SESN1: variants seen among roughly 807,000 people sequenced by gnomAD.
SESN1 encodes the protein sestrin 1.
SESN1 carries 30 observed loss-of-function variants against 59.3 expected under a neutral mutation model. That is an observed-to-expected ratio of 0.51 (90% CI 0.38 to 0.69). The LOEUF (loss-of-function observed/expected upper bound fraction) is 0.69, where lower values mean the gene tolerates loss of function less well. Ranked by LOEUF, SESN1 falls within the 30% of genes least tolerant of loss-of-function variation. The pLI is 0.00. For synonymous variants in SESN1, 197 were observed against 219.9 expected (o/e 0.90, Z 0.92); for missense variants, 566 against 673.0 (o/e 0.84, Z 1.76).
intron 1 of SESN1, among the ~76,000 whole-genome samples, chr6:109,023,677 T>G (rs745523400): frequency 5.3e-5 from 8 of 152,198 alleles, no homozygotes; most frequent in Admixed American, 6.5e-5. Flanking sequence ...TAAACTGCAT[T>G]TTCATTATGT....
At chr6:109,055,422 A>G (rs1780612903) in intron 1 of SESN1, among the ~76,000 whole-genome samples, 1 of 151,906 alleles carries the variant, frequency 6.6e-6, no homozygotes, top group African/African-American at 2.4e-5. Flanking sequence ...CAGCCCTTTG[A>G]GGGGCTGAGG....
intron 1 of SESN1, among the ~76,000 whole-genome samples, chr6:109,059,028 A>C (rs571831443): frequency 6.6e-5 from 10 of 152,270 alleles, no homozygotes; most frequent in African/African-American, 2.4e-4. Context: ...AGTATACTAT[A>C]TTTGAGGAAA....
chr6:109,046,178 C>T (rs1013927459), intron 1 of SESN1, among the ~76,000 whole-genome samples: 10 of 151,456 alleles, frequency 6.6e-5, no homozygotes, highest in African/African-American at 2.4e-4. Context: ...CATCTCGGCT[C>T]ACTGCAACCT....
chr6:109,054,512 C>T (rs1005687592), intron 1 of SESN1, among the ~76,000 whole-genome samples: 11 of 152,098 alleles, frequency 7.2e-5, no homozygotes, highest in African/African-American at 2.7e-4. Flanking sequence ...CACCAATTTA[C>T]ATGTCTATAA....
intron 5 of SESN1, among the ~76,000 whole-genome samples, chr6:108,994,910 A>G (rs1431422395): frequency 6.6e-6 from 1 of 152,004 alleles, no homozygotes; most frequent in East Asian, 1.9e-4. Context: ...TCACCGTGTT[A>G]GCCAGGAATG....
chr6:109,090,538 A>G (rs1201777387), intron 1 of SESN1: 1 of 152,252 alleles, frequency 6.6e-6, no homozygotes, highest in East Asian at 1.9e-4. Context: ...CAATAAAATA[A>G]GCTAGAGAAA....
At chr6:109,009,227 G>A in intron 1 of SESN1, 2 of 908,306 alleles carry the variant, frequency 2.2e-6, no homozygotes, top group Non-Finnish European at 1.5e-6. Flanking sequence ...GCCCTATCTG[G>A]GGAGCGTTTT....
Position 108,998,583 on chromosome 6 carries a change from C to G in SESN1, c.902G>C (p.Cys301Ser). The change falls in exon 5 of 10, where the codon TGC (cysteine) becomes TCC (serine). Residue 301 changes from cysteine to serine, a missense_variant. Coordinates refer to ENST00000436639, the MANE Select transcript of SESN1 (RefSeq NM_014454.3). ...TFRPPSVSNY[C>S]ICDITNGNHS... ...ATTGCCATTTGTAATGTCACAGATG[C>G]AGTAGTTGCTAACAGAAGGAGGTCT... The G allele has an allele frequency of 6.2e-7, 1 of 1,613,842 alleles. No homozygotes were observed. Among genetic ancestry groups the G allele is most frequent in the Non-Finnish European group, 8.5e-7 (1 of 1,179,800 alleles).
intron 1 of SESN1, among the ~76,000 whole-genome samples, chr6:109,054,229 T>C (rs922173048): frequency 1.3e-4 from 20 of 152,202 alleles, no homozygotes; most frequent in African/African-American, 4.8e-4. Flanking sequence ...GTTATGATGA[T>C]GGAATAGAAC....
intron 1 of SESN1, among the ~76,000 whole-genome samples, chr6:109,007,965 TTG>T (rs1254384771): frequency 2.0e-5 from 3 of 152,124 alleles, no homozygotes. Context: ...TTTGAAAGAA[TTG>T]TGTTATTCTT....
intron 1 of SESN1, among the ~76,000 whole-genome samples, chr6:109,025,644 C>A (rs996108258): frequency 1.3e-5 from 2 of 150,846 alleles, no homozygotes; most frequent in African/African-American, 4.9e-5. Flanking sequence ...CAAAAAATAA[C>A]TAGACAGATT....
intron 1 of SESN1, among the ~76,000 whole-genome samples, chr6:109,032,042 C>T (rs955385008): frequency 3.3e-5 from 5 of 151,776 alleles, no homozygotes; most frequent in Non-Finnish European, 5.9e-5. Flanking sequence ...TGGAATTTTC[C>T]GCGGATCACC....
intron 1 of SESN1, among the ~76,000 whole-genome samples, chr6:109,008,375 G>T (rs986095418): frequency 6.6e-6 from 1 of 152,170 alleles, no homozygotes; most frequent in African/African-American, 2.4e-5. Flanking sequence ...TACTGTAAGA[G>T]ATTTTTAAAG....
chr6:109,012,177 C>G (rs1779870014), intron 1 of SESN1, among the ~76,000 whole-genome samples: 1 of 151,912 alleles, frequency 6.6e-6, no homozygotes, highest in Non-Finnish European at 1.5e-5. Context: ...ATATTTACCA[C>G]AGGTTGTCAG....
intron 8 of SESN1, among the ~76,000 whole-genome samples, chr6:108,989,801 C>T (rs181044625): frequency 1.6e-3 from 245 of 152,156 alleles, no homozygotes; most frequent in African/African-American, 4.9e-3. Flanking sequence ...CAGTTGTGTG[C>T]GTTGCTCCAC....
At chr6:109,092,554 G>A (rs576100531) in intron 1 of SESN1, among the ~76,000 whole-genome samples, 9 of 152,240 alleles carry the variant, frequency 5.9e-5, no homozygotes, top group African/African-American at 1.7e-4. Flanking sequence ...GGAAAGAACA[G>A]AAAAACTATA....
At chr6:108,997,806 AC>A (rs1373370790) in intron 5 of SESN1, among the ~76,000 whole-genome samples, 2 of 152,178 alleles carry the variant, frequency 1.3e-5, no homozygotes, top group South Asian at 2.1e-4. Flanking sequence ...CATAAAATAA[AC>A]CCTTGCTTTT....
intron 1 of SESN1, among the ~76,000 whole-genome samples, chr6:109,045,674 C>G (rs1023620636): frequency 6.6e-6 from 1 of 152,204 alleles, no homozygotes; most frequent in African/African-American, 2.4e-5. Flanking sequence ...AGCGCTTACC[C>G]TGGCTACTCC....
intron 3 of SESN1, 45 bp from the exon 4 acceptor site, chr6:109,000,718 A>G (rs1779602313): frequency 7.2e-7 from 1 of 1,396,302 alleles, no homozygotes; most frequent in Admixed American, 2.4e-5. Context: ...TAAAACCTTG[A>G]ACTACATATC....
Sources: allele counts gnomAD v4.1 joint callset (sites outside exome capture counted in the v4.1 genomes callset), GRCh38; gene constraint gnomAD v4.1.1; transcripts MANE v1.5; gene names NCBI Gene and HGNC (gene_info 2026-07-23, HGNC 2026-07-21).